The following SCN3B variants were observed in gnomAD, a reference collection of about 807,000 sequenced individuals.
The protein encoded by SCN3B is sodium channel regulatory subunit beta-3.
Under a neutral mutation model 25.4 loss-of-function variants are expected in SCN3B, and 11 were observed. The ratio of observed to expected loss-of-function variants is 0.43; its 90% CI spans 0.27 to 0.72. SCN3B has a LOEUF of 0.72. Ranked by LOEUF, SCN3B falls within the 30% of genes least tolerant of loss-of-function variation. The probability of loss-of-function intolerance (pLI) is 0.18; values close to 1 mark genes in which losing one functional copy is unlikely to be tolerated. For synonymous variants in SCN3B, 109 were observed against 110.7 expected (o/e 0.99, Z 0.09); for missense variants, 218 against 278.3 (o/e 0.78, Z 1.54).
At chr11:123,651,135 A>G (rs1415097608) in intron 2 of SCN3B, among the ~76,000 whole-genome samples, 2 of 151,574 alleles carry the variant, frequency 1.3e-5, no homozygotes, top group Non-Finnish European at 2.9e-5. Flanking sequence ...GTATTGTATT[A>G]TTTTTTAAAT....
intron 3 of SCN3B, among the ~76,000 whole-genome samples, chr11:123,644,800 A>AGAGAGAGAGAGAGAGAGAATAT (rs1272015067): frequency 9.7e-4 from 44 of 45,566 alleles, no homozygotes; most frequent in African/African-American, 3.4e-3. Flanking sequence ...AGAGAGAGAG[A>AGAGAGAGAGAGAGAGAGAATAT]ATATATATAT....
intron 2 of SCN3B, 137 bp downstream of exon 2, chr11:123,653,610 C>T: frequency 1.0e-6 from 1 of 970,128 alleles, no homozygotes. Flanking sequence ...GGAACCCCTG[C>T]CATCTCCATG....
chr11:123,645,517 A>C, intron 3 of SCN3B, 70 bp downstream of exon 3: 1 of 1,507,798 alleles, frequency 6.6e-7, no homozygotes, highest in Middle Eastern at 1.7e-4. Flanking sequence ...CATCCCCCGG[A>C]CTGTCAGGAG....
rs182890975 is a variant in SCN3B at position 123,631,201 on chromosome 11, C to T, written c.*2598G>A. 42 of 152,160 alleles carry T rather than the reference C, an allele frequency of 2.8e-4. No individual in the cohort carries two copies. The highest frequency in any genetic ancestry group is 8.4e-4 in the African/African-American group (35 of 41,490). 9.4% of individuals were successfully genotyped at this position (152,160 alleles called of 1,614,324 possible). On this transcript the variant is annotated 3_prime_UTR_variant, in exon 7 of 7. Coordinates refer to ENST00000299333, the MANE Select transcript of SCN3B (RefSeq NM_001040151.2). ...TACCATTCAGCTTCATTAAAAGCCA[C>T]GCAAGCAGCATCTGAGTTGGGTTTT...
At chr11:123,648,162 T>A (rs1456432950) in intron 2 of SCN3B, among the ~76,000 whole-genome samples, 1 of 152,220 alleles carries the variant, frequency 6.6e-6, no homozygotes, top group Non-Finnish European at 1.5e-5. Context: ...CTGGCAAAGA[T>A]AAATTCATTC....
chr11:123,649,161 C>G (rs190045157), intron 2 of SCN3B, among the ~76,000 whole-genome samples: 1 of 152,100 alleles, frequency 6.6e-6, no homozygotes, highest in East Asian at 1.9e-4. Flanking sequence ...AAATGAAATG[C>G]AAGAAAATGA....
At chr11:123,640,832 G>T (rs1256861428) in intron 4 of SCN3B, 2 of 152,250 alleles carry the variant, frequency 1.3e-5, no homozygotes, top group East Asian at 1.9e-4. Flanking sequence ...GCCAATGTGG[G>T]CGATTCTGAT....
At chr11:123,653,865 C>T in intron 1 of SCN3B, 39 bp from the exon 2 acceptor site, 1 of 1,577,486 alleles carries the variant, frequency 6.3e-7, no homozygotes, top group South Asian at 1.1e-5. Flanking sequence ...ACTGCGCCCT[C>T]TCAGATTCTT....
chr11:123,651,744 T>C (rs1704666837), intron 2 of SCN3B, among the ~76,000 whole-genome samples: 1 of 152,080 alleles, frequency 6.6e-6, no homozygotes, highest in Admixed American at 6.6e-5. Flanking sequence ...TTCAGTTTGG[T>C]GAGACAACAC....
At chr11:123,644,800 A>ATATAT (rs1272015067) in intron 3 of SCN3B, among the ~76,000 whole-genome samples, 8 of 45,588 alleles carry the variant, frequency 1.8e-4, no homozygotes, top group Admixed American at 6.6e-4. Flanking sequence ...AGAGAGAGAG[A>ATATAT]ATATATATAT....
At position 123,645,680 on chromosome 11, in the gene SCN3B, C is replaced by T; in HGVS notation, c.126G>A (p.Lys42=). Residue 42 remains lysine, a synonymous_variant, in exon 3 of 7, where the codon AAG becomes AAA. Transcript: ENST00000299333. ...ETEAVQGNPM[K]LRCISCMKRE... Reference sequence around the variant, plus strand: ...TCTTCATGCAGGAGATGCAGCGCAGCTTCATGGGGTTGCCCTGCACGGCCT... The same window carrying T: ...TCTTCATGCAGGAGATGCAGCGCAGTTTCATGGGGTTGCCCTGCACGGCCT... The T allele has an allele frequency of 6.2e-7, 1 of 1,614,152 alleles. No individual in the cohort carries two copies. Among genetic ancestry groups the T allele is most frequent in the Non-Finnish European group, 8.5e-7 (1 of 1,180,016 alleles).
intron 5 of SCN3B, among the ~76,000 whole-genome samples, chr11:123,634,409 G>C (rs540169226): frequency 6.6e-6 from 1 of 152,232 alleles, no homozygotes; most frequent in Non-Finnish European, 1.5e-5. Flanking sequence ...CCCACCAGGA[G>C]TGTATAGCTT....
rs1173500608 is a variant in SCN3B at position 123,638,297 on chromosome 11, G to C, written c.473C>G (p.Ser158Ter). ...CAGAAGGATGTACATCATGATTTCT[G>C]AGACCACAGAGGTGAAGTCCTCTCC... is the stretch of plus-strand genomic sequence containing the variant. ...EAGEDFTSVV[S>*]EIMMYILLVF... Residue 158 changes from serine (S) to a stop codon, truncating the protein, a stop_gained, in exon 5 of 7, where the codon TCA becomes TGA. Transcript: ENST00000299333. LOFTEE classifies it high-confidence loss of function. 1 of 1,613,994 alleles carries C rather than the reference G, an allele frequency of 6.2e-7. No homozygotes were observed. The highest frequency in any genetic ancestry group is 1.3e-5 in the African/African-American group (1 of 74,938).
chr11:123,637,423 C>G (rs886961371), intron 5 of SCN3B, among the ~76,000 whole-genome samples: 5 of 152,198 alleles, frequency 3.3e-5, no homozygotes, highest in African/African-American at 1.2e-4. Flanking sequence ...GTTCAAATCT[C>G]AGCCTTTCCT....
At chr11:123,649,425 G>C (rs1034019404) in intron 2 of SCN3B, among the ~76,000 whole-genome samples, 6 of 152,070 alleles carry the variant, frequency 3.9e-5, no homozygotes, top group African/African-American at 1.4e-4. Flanking sequence ...TCTAGTTTCA[G>C]GGCATGAGAA....
At chr11:123,654,095 G>A (rs1955964530) in intron 1 of SCN3B, 131 bp downstream of exon 1, 1 of 522,722 alleles carries the variant, frequency 1.9e-6, no homozygotes, top group Non-Finnish European at 3.5e-6. Flanking sequence ...TCGCCTCCCC[G>A]CCCACCCCGG....
At chr11:123,640,967 G>C (rs924494105) in intron 4 of SCN3B, 57 of 152,218 alleles carry the variant, frequency 3.7e-4, no homozygotes, top group African/African-American at 1.4e-3. Flanking sequence ...TTTACCCGAG[G>C]CTTGCTCTGG....
intron 2 of SCN3B, among the ~76,000 whole-genome samples, chr11:123,648,834 G>C (rs753701952): frequency 2.0e-5 from 3 of 152,316 alleles, no homozygotes; most frequent in East Asian, 3.9e-4. Flanking sequence ...AGCAAACAAC[G>C]TGAGAATAGA....
chr11:123,644,800 A>AGAGAGAGAGAGAGAGAAT (rs1272015067), intron 3 of SCN3B, among the ~76,000 whole-genome samples: 21 of 45,584 alleles, frequency 4.6e-4, no homozygotes, highest in African/African-American at 1.6e-3. Context: ...AGAGAGAGAG[A>AGAGAGAGAGAGAGAGAAT]ATATATATAT....
Sources: gnomAD v4.1 joint callset for allele counts (sites outside exome capture counted in the v4.1 genomes callset) on GRCh38, gnomAD v4.1.1 for gene constraint, MANE v1.5 for transcripts, NCBI Gene and HGNC (gene_info 2026-07-23, HGNC 2026-07-21) for gene names.